NMNAT3: variants seen among roughly 807,000 people sequenced by gnomAD.
The protein encoded by NMNAT3 is nicotinamide/nicotinic acid mononucleotide adenylyltransferase 3.
In NMNAT3, 21 loss-of-function variants were observed where a neutral mutation model predicts 24.8. The ratio of observed to expected loss-of-function variants is 0.85; its 90% CI spans 0.60 to 1.22. The LOEUF is 1.22. NMNAT3 is among the 50% of genes most tolerant of loss of function. The pLI, the probability that NMNAT3 is intolerant of heterozygous loss-of-function variation, is 0.00. For synonymous variants in NMNAT3, 136 were observed against 155.2 expected, an observed-to-expected ratio of 0.88 and a Z score of 0.92; for missense variants, 387 against 436.6, an observed-to-expected ratio of 0.89 and a Z score of 1.01.
At chr3:139,583,586 A>C (rs913649065) in intron 3 of NMNAT3, 4 of 780,332 alleles carry the variant, frequency 5.1e-6, no homozygotes, top group Non-Finnish European at 9.3e-6. Context: ...AGGTGGATTG[A>C]GAGACATTCT....
chr3:139,673,976 C>T (rs1235344362), intron 1 of NMNAT3, among the ~76,000 whole-genome samples: 1 of 152,120 alleles, frequency 6.6e-6, no homozygotes, highest in East Asian at 1.9e-4. Flanking sequence ...GAAGGCTTCC[C>T]TGCAACAGAG....
At chr3:139,564,541 A>G (rs1178986646) in intron 6 of NMNAT3, among the ~76,000 whole-genome samples, 1 of 152,218 alleles carries the variant, frequency 6.6e-6, no homozygotes, top group African/African-American at 2.4e-5. Flanking sequence ...CATCCATCCC[A>G]AAGTGTCACA....
intron 1 of NMNAT3, among the ~76,000 whole-genome samples, chr3:139,658,027 C>T (rs1187520183): frequency 6.6e-6 from 1 of 152,076 alleles, no homozygotes; most frequent in South Asian, 2.1e-4. Flanking sequence ...ACACACTCTA[C>T]CCCCAGCCTT....
At chr3:139,653,753 C>T (rs1437342044) in intron 1 of NMNAT3, among the ~76,000 whole-genome samples, 3 of 152,232 alleles carry the variant, frequency 2.0e-5, no homozygotes, top group Non-Finnish European at 2.9e-5. Context: ...ACTCCTCAAG[C>T]AAACCGTAGC....
intron 1 of NMNAT3, among the ~76,000 whole-genome samples, chr3:139,670,569 A>G (rs776433381): frequency 6.6e-5 from 10 of 152,232 alleles, no homozygotes; most frequent in Non-Finnish European, 1.3e-4. Context: ...TGTTTAGCCA[A>G]TTGAATGAGT....
At chr3:139,584,304 T>A (rs2053823813) in intron 3 of NMNAT3, 1 of 157,290 alleles carries the variant, frequency 6.4e-6, no homozygotes, top group Admixed American at 6.5e-5. Flanking sequence ...GTCATCCTCT[T>A]CAGCCGAGCA....
chr3:139,593,532 C>T (rs192606280), intron 3 of NMNAT3, among the ~76,000 whole-genome samples: 2,328 of 152,254 alleles, frequency 0.015, 59 homozygotes, highest in African/African-American at 0.053. Flanking sequence ...CACACCCCAC[C>T]TATTCCAACA....
intron 3 of NMNAT3, among the ~76,000 whole-genome samples, chr3:139,619,828 C>G (rs1400588537): frequency 6.6e-6 from 1 of 152,202 alleles, no homozygotes; most frequent in Non-Finnish European, 1.5e-5. Flanking sequence ...TTCAGCTATA[C>G]AGGGAATACA....
At chr3:139,588,773 CAG>C (rs1559879456) in intron 3 of NMNAT3, among the ~76,000 whole-genome samples, 4 of 152,156 alleles carry the variant, frequency 2.6e-5, no homozygotes, top group African/African-American at 7.2e-5. Flanking sequence ...TGGGTTGGAC[CAG>C]AGAGAACCTT....
At chr3:139,664,171 T>C (rs1234361579) in intron 1 of NMNAT3, among the ~76,000 whole-genome samples, 1 of 152,196 alleles carries the variant, frequency 6.6e-6, no homozygotes, top group Non-Finnish European at 1.5e-5. Context: ...ATATCAAACA[T>C]ATATGAAAGT....
intron 3 of NMNAT3, among the ~76,000 whole-genome samples, chr3:139,611,644 G>C (rs1387607987): frequency 6.6e-6 from 1 of 152,142 alleles, no homozygotes; most frequent in African/African-American, 2.4e-5. Context: ...ATAGAGAAGA[G>C]AATCCCAAGA....
At chr3:139,613,033 A>G (rs970113687) in intron 3 of NMNAT3, among the ~76,000 whole-genome samples, 3 of 152,230 alleles carry the variant, frequency 2.0e-5, no homozygotes, top group African/African-American at 7.2e-5. Flanking sequence ...TAAAAACCCT[A>G]GAAGAAAACC....
intron 3 of NMNAT3, among the ~76,000 whole-genome samples, chr3:139,590,287 T>C (rs950391248): frequency 6.6e-6 from 1 of 152,204 alleles, no homozygotes; most frequent in Non-Finnish European, 1.5e-5. Flanking sequence ...GGAATCATAG[T>C]GCACTGCATG....
intron 2 of NMNAT3, 43 bp from the exon 3 acceptor site, chr3:139,634,690 A>G (rs2056434876): frequency 6.6e-6 from 1 of 152,222 alleles, no homozygotes; most frequent in Non-Finnish European, 1.5e-5. Flanking sequence ...CATCCTAATT[A>G]TGAGACTCCC....
chr3:139,571,969 A>C (rs192689), intron 6 of NMNAT3: 2 of 394,916 alleles, frequency 5.1e-6, no homozygotes, highest in Non-Finnish European at 8.9e-6. Context: ...CACTTATGCT[A>C]TCTCCTGCCC....
chr3:139,614,449 TGAGA>T (rs940866899), intron 3 of NMNAT3, among the ~76,000 whole-genome samples: 1 of 152,230 alleles, frequency 6.6e-6, no homozygotes, highest in African/African-American at 2.4e-5. Flanking sequence ...CACAAGGCAG[TGAGA>T]GAGACACTGG....
At chr3:139,623,509 T>C (rs1421979427) in intron 3 of NMNAT3, among the ~76,000 whole-genome samples, 1 of 152,158 alleles carries the variant, frequency 6.6e-6, no homozygotes, top group Admixed American at 6.5e-5. Flanking sequence ...AATACATAAA[T>C]CAGTAACTTA....
At chr3:139,580,572 A>T (rs1377920130) in intron 4 of NMNAT3, among the ~76,000 whole-genome samples, 1 of 152,216 alleles carries the variant, frequency 6.6e-6, no homozygotes, top group East Asian at 1.9e-4. Context: ...GGTGTTGCAC[A>T]TACAGACAGA....
intron 3 of NMNAT3, among the ~76,000 whole-genome samples, chr3:139,626,916 T>G (rs1460355520): frequency 6.6e-6 from 1 of 152,114 alleles, no homozygotes; most frequent in African/African-American, 2.4e-5. Context: ...AAAATACATA[T>G]ATGAATACAT....
Sources: allele counts gnomAD v4.1 joint callset (sites outside exome capture counted in the v4.1 genomes callset), GRCh38; gene constraint gnomAD v4.1.1; transcripts MANE v1.5; gene names NCBI Gene and HGNC (gene_info 2026-07-23, HGNC 2026-07-21).